ASCC1: variants seen among roughly 807,000 people sequenced by gnomAD.
ASCC1 encodes activating signal cointegrator 1 complex subunit 1.
Under a neutral mutation model 46.6 loss-of-function variants are expected in ASCC1, and 35 were observed. The ratio of observed to expected loss-of-function variants is 0.75; its 90% confidence interval spans 0.57 to 0.99. The LOEUF (loss-of-function observed/expected upper bound fraction) is 0.99, where lower values mean the gene tolerates loss of function less well. Among genes scored for constraint, ASCC1 ranks in the 50% least tolerant of loss-of-function variants. The pLI is 0.00. For missense variants in ASCC1, 376 were observed against 428.7 expected (o/e 0.88, Z 1.09); for synonymous variants, 143 against 146.6 (o/e 0.98, Z 0.18).
intron 7 of ASCC1, among the ~76,000 whole-genome samples, chr10:72,142,184 C>A (rs1847098947): frequency 6.6e-6 from 1 of 152,040 alleles, no homozygotes. Context: ...TATCAAAAGT[C>A]TTTCAGCCAT....
In ASCC1 at chr10:72,142,625, C is replaced by T. The variant is rs560018333; in HGVS notation, c.747-9444G>A. ...CTGGTGATCTGCCCGCCTCAGCCTC[C>T]CAAAGTGCTGGGATTACAGGTGTGA... On this transcript the variant is annotated intron_variant, in intron 7 of 9. Coordinates refer to ENST00000672957, the MANE Select transcript of ASCC1 (RefSeq NM_001198800.3). 9.2e-5 allele frequency among the ~76,000 whole-genome samples: 14 copies of T among 152,084 alleles called. 1 individual carries two copies. In the South Asian group the frequency reaches 2.9e-3, roughly 32 times the overall value.
At chr10:72,202,396 T>G (rs1856624266) in intron 4 of ASCC1, among the ~76,000 whole-genome samples, 1 of 150,776 alleles carries the variant, frequency 6.6e-6, no homozygotes, top group Non-Finnish European at 1.5e-5. Flanking sequence ...TGAACCTGGG[T>G]AGCGGAGATT....
At chr10:72,184,656 A>G (rs1468076413) in intron 5 of ASCC1, among the ~76,000 whole-genome samples, 1 of 152,120 alleles carries the variant, frequency 6.6e-6, no homozygotes, top group Non-Finnish European at 1.5e-5. Context: ...ATCCACAGTT[A>G]CAGGTGGAGA....
chr10:72,201,200 T>G (rs529968161), intron 4 of ASCC1, among the ~76,000 whole-genome samples: 1 of 151,932 alleles, frequency 6.6e-6, no homozygotes, highest in South Asian at 2.1e-4. Context: ...CAGGCTGGAG[T>G]GTGGTGGCAT....
intron 9 of ASCC1, among the ~76,000 whole-genome samples, chr10:72,125,057 C>T (rs910266743): frequency 7.9e-5 from 12 of 152,148 alleles, no homozygotes; most frequent in African/African-American, 2.9e-4. Flanking sequence ...ATGTGGCTTC[C>T]ATCTGCAACA....
At chr10:72,208,465 T>A (rs1857539853) in intron 3 of ASCC1, among the ~76,000 whole-genome samples, 1 of 152,048 alleles carries the variant, frequency 6.6e-6, no homozygotes, top group East Asian at 1.9e-4. Flanking sequence ...GTGGATGAAA[T>A]GAAAACATTT....
At chr10:72,155,475 G>A (rs541214464) in intron 6 of ASCC1, among the ~76,000 whole-genome samples, 62 of 152,228 alleles carry the variant, frequency 4.1e-4, no homozygotes, top group Non-Finnish European at 7.6e-4. Flanking sequence ...GTCTTGATTT[G>A]GGTGAGGTTG....
chr10:72,208,320 T>C (rs1857514779), intron 3 of ASCC1, among the ~76,000 whole-genome samples: 1 of 152,030 alleles, frequency 6.6e-6, no homozygotes, highest in Non-Finnish European at 1.5e-5. Flanking sequence ...ACACTGATTT[T>C]TTTTTTTTTT....
chr10:72,151,889 C>T (rs1176983674), intron 7 of ASCC1, among the ~76,000 whole-genome samples: 2 of 151,846 alleles, frequency 1.3e-5, no homozygotes, highest in Non-Finnish European at 2.9e-5. Flanking sequence ...TGGGGTTTCA[C>T]CGTGTTAGCC....
At chr10:72,187,719 CAAAAAA>C (rs761851091) in intron 5 of ASCC1, among the ~76,000 whole-genome samples, 604 of 35,206 alleles carry the variant, frequency 0.017, 3 homozygotes, top group African/African-American at 0.063. Flanking sequence ...GAATCCGTCT[CAAAAAA>C]AAAAAAAAAA....
At position 72,096,899 on chromosome 10, in the gene ASCC1, G is replaced by A. The variant is rs1252086837; in HGVS notation, c.*435C>T. On this transcript the variant is annotated 3_prime_UTR_variant, in exon 10 of 10. Coordinates refer to ENST00000672957, the MANE Select transcript of ASCC1 (RefSeq NM_001198800.3). Reference sequence around the variant, plus strand: ...ACAGAAAGCAGAATGGTGGCTGCGGGGGCTGGGAGGAGTGGGAATTACTGT... The same window carrying A: ...ACAGAAAGCAGAATGGTGGCTGCGGAGGCTGGGAGGAGTGGGAATTACTGT... 2.2e-6 allele frequency: 1 copy of A among 453,982 alleles called. No homozygotes were observed. Among genetic ancestry groups the A allele is most frequent in the Non-Finnish European group, 4.4e-6 (1 of 226,822 alleles). 28.1% of individuals were successfully genotyped at this position (453,982 alleles called of 1,614,324 possible).
chr10:72,188,284 A>G (rs1280853080), intron 5 of ASCC1, among the ~76,000 whole-genome samples: 1 of 151,690 alleles, frequency 6.6e-6, no homozygotes, highest in South Asian at 2.1e-4. Context: ...ACGCCCAGCT[A>G]ATTTTTGTAT....
intron 5 of ASCC1, among the ~76,000 whole-genome samples, chr10:72,179,069 TG>T (rs1391479037): frequency 2.0e-5 from 3 of 152,218 alleles, no homozygotes; most frequent in Non-Finnish European, 4.4e-5. Flanking sequence ...GTATATGATT[TG>T]AATAATAACC....
intron 7 of ASCC1, 64 bp from the exon 8 acceptor site, chr10:72,133,245 T>C: frequency 6.5e-7 from 1 of 1,543,172 alleles, no homozygotes; most frequent in Non-Finnish European, 9.0e-7. Context: ...CGATTACCAA[T>C]TCAACAATGT....
chr10:72,204,338 G>T, intron 3 of ASCC1: 2 of 1,518,600 alleles, frequency 1.3e-6, no homozygotes, highest in Non-Finnish European at 8.9e-7. Context: ...GCCAACTCTC[G>T]ACTACCCCAT....
intron 5 of ASCC1, among the ~76,000 whole-genome samples, chr10:72,170,194 G>A (rs1162223694): frequency 6.6e-6 from 1 of 151,870 alleles, no homozygotes; most frequent in African/African-American, 2.4e-5. Context: ...TTGAGGAGCA[G>A]AATATTTGCA....
At chr10:72,145,447 G>A (rs2132466477) in intron 7 of ASCC1, among the ~76,000 whole-genome samples, 1 of 152,216 alleles carries the variant, frequency 6.6e-6, no homozygotes, top group South Asian at 2.1e-4. Flanking sequence ...CTAAAAGCTG[G>A]AAAGAACCTT....
At chr10:72,180,689 T>C (rs1317166582) in intron 5 of ASCC1, among the ~76,000 whole-genome samples, 3 of 144,328 alleles carry the variant, frequency 2.1e-5, no homozygotes, top group African/African-American at 5.8e-5. Flanking sequence ...AACAAAAGAT[T>C]AGACACTTCA....
intron 6 of ASCC1, among the ~76,000 whole-genome samples, chr10:72,153,489 G>A (rs904131705): frequency 6.6e-6 from 1 of 152,140 alleles, no homozygotes. Context: ...ACAGTGGCGT[G>A]ATCTCGGCTC....
Sources: gnomAD v4.1 joint callset for allele counts (sites outside exome capture counted in the v4.1 genomes callset) on GRCh38, gnomAD v4.1.1 for gene constraint, MANE v1.5 for transcripts, NCBI Gene and HGNC (gene_info 2026-07-23, HGNC 2026-07-21) for gene names.